The following HSPA4L variants were observed in gnomAD, a reference collection of about 807,000 sequenced individuals.
The protein encoded by HSPA4L is heat shock 70 kDa protein 4L.
Under a neutral mutation model 100.3 loss-of-function variants are expected in HSPA4L, and 48 were observed. That is an observed-to-expected ratio of 0.48 (90% CI 0.38 to 0.61). HSPA4L has a LOEUF of 0.61. Among genes scored for constraint, HSPA4L ranks in the 20% least tolerant of loss-of-function variants. HSPA4L has a pLI of 0.00. For synonymous variants in HSPA4L, 319 were observed against 328.2 expected, an observed-to-expected ratio of 0.97 and a Z score of 0.30; for missense variants, 886 against 988.6, an observed-to-expected ratio of 0.90 and a Z score of 1.39.
intron 3 of HSPA4L, 144 bp from the exon 4 acceptor site, chr4:127,798,443 A>T: frequency 1.4e-6 from 1 of 721,502 alleles, no homozygotes; most frequent in South Asian, 2.0e-5. Flanking sequence ...TGATTCTAAA[A>T]TGACAATCTT....
chr4:127,803,568 C>CTT, intron 6 of HSPA4L, 61 bp from the exon 7 acceptor site: 31 of 1,231,586 alleles, frequency 2.5e-5, no homozygotes, highest in South Asian at 7.7e-5. Context: ...AGAGGTTTTT[C>CTT]TTTTTTTTTT....
At chr4:127,800,369 G>T (rs939005757) in intron 4 of HSPA4L, among the ~76,000 whole-genome samples, 1 of 152,090 alleles carries the variant, frequency 6.6e-6, no homozygotes, top group Admixed American at 6.6e-5. Flanking sequence ...TCAGGGGGCT[G>T]AAGCAAAAGG....
At chr4:127,813,835 G>A (rs548039765) in intron 12 of HSPA4L, among the ~76,000 whole-genome samples, 2 of 152,058 alleles carry the variant, frequency 1.3e-5, no homozygotes, top group Non-Finnish European at 2.9e-5. Flanking sequence ...TAGTGGAGAC[G>A]GGGTTTCACT....
At chr4:127,816,582 T>C (rs1373064441) in intron 12 of HSPA4L, among the ~76,000 whole-genome samples, 1 of 152,008 alleles carries the variant, frequency 6.6e-6, no homozygotes, top group Non-Finnish European at 1.5e-5. Context: ...GGAATACGAG[T>C]CCTGGTTGGT....
At chr4:127,801,740 GT>G in intron 5 of HSPA4L, 44 bp from the exon 6 acceptor site, 1 of 1,504,844 alleles carries the variant, frequency 6.6e-7, no homozygotes, top group Non-Finnish European at 9.0e-7. Flanking sequence ...TGTTTTCCAA[GT>G]AATTACTGTG....
intron 8 of HSPA4L, among the ~76,000 whole-genome samples, chr4:127,804,868 C>T (rs1324865172): frequency 6.6e-6 from 1 of 152,098 alleles, no homozygotes; most frequent in Non-Finnish European, 1.5e-5. Context: ...GCCACTCCAT[C>T]ATCTGGACCA....
At chr4:127,817,768 T>G (rs993532289) in intron 12 of HSPA4L, among the ~76,000 whole-genome samples, 2 of 152,218 alleles carry the variant, frequency 1.3e-5, no homozygotes, top group African/African-American at 4.8e-5. Flanking sequence ...TTTGTGTAAT[T>G]CATAGATTTT....
chr4:127,826,941 T>G (rs1733963935), intron 16 of HSPA4L, among the ~76,000 whole-genome samples: 1 of 152,194 alleles, frequency 6.6e-6, no homozygotes, highest in African/African-American at 2.4e-5. Context: ...TTTGAGTATT[T>G]GATACCAAGT....
At position 127,782,386 on chromosome 4, in the gene HSPA4L, C is replaced by T. The variant is rs1732582535; in HGVS notation, c.-165C>T. On this transcript the variant is annotated 5_prime_UTR_variant, in exon 1 of 19. Coordinates refer to ENST00000296464, the MANE Select transcript of HSPA4L (RefSeq NM_014278.4). ...GCGGCGCTGACGGCCTCTGCTCCTT[C>T]CGCGGGTTTCCGACTCCCTGCCCTA... The T allele has an allele frequency of 9.6e-6, 6 of 622,986 alleles. No homozygotes were observed. Among genetic ancestry groups the T allele is most frequent in the Admixed American group, 4.8e-5 (2 of 41,534 alleles). 38.6% of individuals were successfully genotyped at this position (622,986 alleles called of 1,614,324 possible).
intron 4 of HSPA4L, among the ~76,000 whole-genome samples, chr4:127,800,879 C>T (rs1733155700): frequency 6.6e-6 from 1 of 151,996 alleles, no homozygotes; most frequent in Non-Finnish European, 1.5e-5. Context: ...ATCAGAATAA[C>T]ACAGGAAGTA....
intron 2 of HSPA4L, among the ~76,000 whole-genome samples, chr4:127,795,191 A>G (rs1732984526): frequency 6.6e-6 from 1 of 152,126 alleles, no homozygotes; most frequent in South Asian, 2.1e-4. Context: ...GAAATAAATA[A>G]TCAAAGATAC....
intron 17 of HSPA4L, among the ~76,000 whole-genome samples, chr4:127,830,271 TTC>T (rs1357638630): frequency 1.3e-5 from 2 of 152,170 alleles, no homozygotes; most frequent in Non-Finnish European, 2.9e-5. Context: ...TAATATGCTT[TTC>T]TGTTATATAT....
In HSPA4L at chr4:127,833,948, T is replaced by C. The variant is rs1734148605; in HGVS notation, c.*1074T>C. The C allele has an allele frequency of 1.3e-5, 2 of 152,310 alleles. No individual in the cohort carries two copies. Among genetic ancestry groups the C allele is most frequent in the Middle Eastern group, 3.4e-3 (1 of 294 alleles). The allele number at this position is 152,310 out of a possible 1,614,324, so 9.4% of individuals were successfully genotyped here. ...TGTTACATATCAACAGGCAAAAATA[T>C]AGAATGTTACATAGTGTTGTGTGAT... On this transcript the variant is annotated 3_prime_UTR_variant, in exon 19 of 19. Coordinates refer to ENST00000296464, the MANE Select transcript of HSPA4L (RefSeq NM_014278.4).
In HSPA4L at chr4:127,839,711, GT is replaced by G; in HGVS notation, c.*6838del. 1 of 151,358 alleles carries G rather than the reference GT, an allele frequency of 6.6e-6. No individual in the cohort carries two copies. The highest frequency in any genetic ancestry group is 6.6e-5 in the Admixed American group (1 of 15,192). 9.4% of individuals were successfully genotyped at this position (151,358 alleles called of 1,614,324 possible). A position where few individuals can be genotyped will look rare whatever the true frequency, so the allele number is the denominator to read the frequency against. On this transcript the variant is annotated 3_prime_UTR_variant, in exon 19 of 19. Transcript: ENST00000296464. ...CTCTGTCTCAAAAAAAAAAAAAAGT[GT>G]AATTAGAAATGGAAATCTAGGTAAA...
At chr4:127,782,092 GC>G (rs775189784), upstream of HSPA4L, 11 of 451,326 alleles carry the variant, frequency 2.4e-5, no homozygotes, top group African/African-American at 2.0e-4. Flanking sequence ...GATCCTCCCC[GC>G]CCCGCCTTCC....
At position 127,798,614 on chromosome 4, in the gene HSPA4L, T is replaced by C; in HGVS notation, c.334T>C (p.Phe112Leu). The change falls in exon 4 of 19, where the codon TTT (phenylalanine) becomes CTT (leucine). Residue 112 changes from phenylalanine (F) to leucine (L), a missense_variant. Transcript: ENST00000296464. ...KVRYLEEERPFAIEQVTGMLL... is the reference protein window; with the variant it reads ...KVRYLEEERPLAIEQVTGMLL... ...GCGGTACTTAGAGGAAGAGAGACCT[T>C]TTGCAATTGAGCAAGTTACTGGAAT... 3.1e-6 allele frequency: 5 copies of C among 1,613,754 alleles called. No individual in the cohort carries two copies. The highest frequency in any genetic ancestry group is 4.2e-6 in the Non-Finnish European group (5 of 1,179,792).
chr4:127,788,394 T>G (rs1020262935), intron 1 of HSPA4L, among the ~76,000 whole-genome samples: 3 of 151,922 alleles, frequency 2.0e-5, no homozygotes, highest in African/African-American at 7.3e-5. Context: ...CAGCAGTGAG[T>G]TTTTTTTAGA....
At chr4:127,795,973 T>C (rs1209345263) in intron 3 of HSPA4L, 65 bp downstream of exon 3, 1 of 1,520,220 alleles carries the variant, frequency 6.6e-7, no homozygotes, top group Non-Finnish European at 9.0e-7. Context: ...TGTGATAATA[T>C]TGCTATTTGT....
intron 16 of HSPA4L, among the ~76,000 whole-genome samples, chr4:127,826,639 A>C (rs1264968669): frequency 6.6e-6 from 1 of 152,220 alleles, no homozygotes. Flanking sequence ...TGCTCTCTGT[A>C]TAATTTCCTT....
Sources: allele counts gnomAD v4.1 joint callset (sites outside exome capture counted in the v4.1 genomes callset), GRCh38; gene constraint gnomAD v4.1.1; transcripts MANE v1.5; gene names NCBI Gene and HGNC (gene_info 2026-07-23, HGNC 2026-07-21).